Variants in SLC19A1 observed in about 807,000 individuals in gnomAD.
The protein encoded by SLC19A1 is reduced folate transporter.
A neutral mutation model predicts 35.3 loss-of-function variants in SLC19A1; 37 were observed. That is an observed-to-expected ratio of 1.05 (90% CI 0.81 to 1.38). The LOEUF (loss-of-function observed/expected upper bound fraction) is 1.38, where lower values mean the gene tolerates loss of function less well. Among genes scored for constraint, SLC19A1 ranks in the 40% most tolerant of loss-of-function variants. SLC19A1 has a pLI of 0.00. For synonymous variants in SLC19A1, 460 were observed against 398.5 expected (o/e 1.15, Z -1.84); for missense variants, 831 against 826.9 (o/e 1.00, Z -0.06).
chr21:45,523,498 T>G (rs2077499888), intron 5 of SLC19A1, among the ~76,000 whole-genome samples: 1 of 152,146 alleles, frequency 6.6e-6, no homozygotes, highest in Admixed American at 6.5e-5. Flanking sequence ...ACCAGCTCTC[T>G]GGGGAAGAAC....
intron 5 of SLC19A1, among the ~76,000 whole-genome samples, chr21:45,523,496 T>C (rs1217916911): frequency 1.3e-5 from 2 of 152,124 alleles, no homozygotes; most frequent in African/African-American, 4.8e-5. Context: ...TGACCAGCTC[T>C]CTGGGGAAGA....
chr21:45,507,956 C>CT (rs1247728447), downstream of SLC19A1, among the ~76,000 whole-genome samples: 1 of 152,178 alleles, frequency 6.6e-6, no homozygotes, highest in Non-Finnish European at 1.5e-5. Context: ...ATGGATATCT[C>CT]TAAGAGTGGT....
At chr21:45,505,528 G>C in intron 3 of SLC19A1, 1 of 751,076 alleles carries the variant, frequency 1.3e-6, no homozygotes, top group Non-Finnish European at 2.3e-6. Context: ...GGACCCCACA[G>C]GGAGATATAC....
At chr21:45,538,102 T>C in intron 1 of SLC19A1, 94 bp from the exon 2 acceptor site, 1 of 643,712 alleles carries the variant, frequency 1.6e-6, no homozygotes, top group Non-Finnish European at 2.5e-6. Context: ...TCCTCGCCAC[T>C]CAGGACCAAA....
In SLC19A1 at chr21:45,517,405, C is replaced by T. The variant is rs145193100; in HGVS notation, c.1294-1265G>A. Among the ~76,000 whole-genome samples the T allele has an allele frequency of 2.0e-3, 304 of 152,044 alleles. No individual in the cohort carries two copies. Among genetic ancestry groups the T allele is most frequent in the Non-Finnish European group, 3.2e-3 (218 of 67,962 alleles). On this transcript the variant is annotated intron_variant, in intron 5 of 5. Coordinates refer to ENST00000311124, the MANE Select transcript of SLC19A1 (RefSeq NM_194255.4). The surrounding 1 kb of genome is among the most constrained non-coding windows in gnomAD (Gnocchi z 4.4). ...GTAACAAGGACCCCCGAGTCCCCTGCGGGGTGGTGTCAGACAACACCAGTG... is the reference window on the plus strand; with the variant it reads ...GTAACAAGGACCCCCGAGTCCCCTGTGGGGTGGTGTCAGACAACACCAGTG...
intron 3 of SLC19A1, among the ~76,000 whole-genome samples, chr21:45,503,291 T>C (rs1224094635): frequency 2.0e-5 from 3 of 152,286 alleles, no homozygotes; most frequent in South Asian, 2.1e-4. Context: ...TATCTCATTG[T>C]GGTTTTGATT....
intron 5 of SLC19A1, among the ~76,000 whole-genome samples, chr21:45,523,750 G>A (rs903220662): frequency 2.0e-5 from 3 of 152,216 alleles, no homozygotes; most frequent in African/African-American, 7.2e-5. Context: ...CAGCCTGGCT[G>A]GGGCCACACA....
chr21:45,531,490 A>G lies in SLC19A1; in HGVS notation c.848T>C (p.Leu283Pro). ...WWVFNSAGYY[L>P]VVYYVHILWN... is the part of the protein sequence containing the mutation. The stretch of plus-strand genomic sequence containing the variant: ...CAGGATGTGCACGTAGTAGACCACC[A>G]GGTAGTAGCCGGCCGAGTTGAAGAC... Residue 283 changes from leucine to proline, a missense_variant, in exon 3 of 6, where the codon CTG (leucine) becomes CCG (proline). Coordinates refer to ENST00000311124, the MANE Select transcript of SLC19A1 (RefSeq NM_194255.4). 6.2e-7 allele frequency: 1 copy of G among 1,612,766 alleles called. No homozygotes were observed. The highest frequency in any genetic ancestry group is 8.5e-7 in the Non-Finnish European group (1 of 1,179,772).
At position 45,534,475 on chromosome 21, in the gene SLC19A1, C is replaced by G; in HGVS notation, c.190-2327G>C. On this transcript the variant is annotated intron_variant, in intron 2 of 5. Transcript: ENST00000311124. The surrounding 1 kb of genome is among the most constrained non-coding windows in gnomAD (Gnocchi z 4.2). ...AAATGGTAGACAGCCAGCAGAGAGG[C>G]TCTCCCCAGACCCCACGGCTCTCTG... The G allele has an allele frequency of 7.8e-7, 1 of 1,284,350 alleles. No individual in the cohort carries two copies. 79.6% of individuals were successfully genotyped at this position (1,284,350 alleles called of 1,614,324 possible).
chr21:45,528,240 G>A (rs2077719230), intron 4 of SLC19A1, among the ~76,000 whole-genome samples: 1 of 152,084 alleles, frequency 6.6e-6, no homozygotes, highest in African/African-American at 2.4e-5. Context: ...GCTGGGCAGG[G>A]CAGAGCCCAG....
At position 45,515,721 on chromosome 21, in the gene SLC19A1, A is replaced by T. The variant is rs754771475; in HGVS notation, c.1713T>A (p.Pro571=). ...ACTGCAAACCCAGCTTGCTGACACC[A>T]GGAGGATGGACAGCCAGCTGGGGAC... ...ETCPQLAVHP[P]GVSKLGLQCL... is the part of the protein sequence containing the mutation. Residue 571 remains proline, a synonymous_variant, in exon 6 of 6, where the codon CCT becomes CCA. Transcript: ENST00000311124. 2 of 1,613,790 alleles carry T rather than the reference A, an allele frequency of 1.2e-6. No individual in the cohort carries two copies. The highest frequency in any genetic ancestry group is 1.7e-6 in the Non-Finnish European group (2 of 1,179,994).
chr21:45,557,283 C>A (rs1206210064), intron 1 of SLC19A1, among the ~76,000 whole-genome samples: 2 of 152,172 alleles, frequency 1.3e-5, no homozygotes, highest in Non-Finnish European at 1.5e-5. Flanking sequence ...ATGGGTCTTC[C>A]CTATCAGTGG....
chr21:45,560,262 G>A (rs561553779), intron 1 of SLC19A1, among the ~76,000 whole-genome samples: 9 of 152,230 alleles, frequency 5.9e-5, no homozygotes, highest in Non-Finnish European at 1.0e-4. Context: ...ACACAGGGAC[G>A]TGCCCACGGC....
chr21:45,555,721 G>A (rs550746398), intron 1 of SLC19A1, among the ~76,000 whole-genome samples: 1 of 152,082 alleles, frequency 6.6e-6, no homozygotes, highest in South Asian at 2.1e-4. Context: ...CGAGCAGGGT[G>A]GGCTCCACGC....
At chr21:45,538,088 G>GACC in intron 1 of SLC19A1, 80 bp from the exon 2 acceptor site, 1 of 768,090 alleles carries the variant, frequency 1.3e-6, no homozygotes, top group Non-Finnish European at 1.9e-6. Context: ...GCCCAGTGCC[G>GACC]GCCTCCTCGC....
chr21:45,512,301 T>C (rs2146151966), downstream of SLC19A1: 7 of 1,612,270 alleles, frequency 4.3e-6, no homozygotes, highest in African/African-American at 4.0e-5. Flanking sequence ...GCCTCCTCGC[T>C]GCTGGGGGGC....
In SLC19A1 at chr21:45,556,985, C is replaced by T. The variant is rs566719016; in HGVS notation, c.-50+5757G>A. On this transcript the variant is annotated intron_variant, in intron 1 of 5. Coordinates refer to the SLC19A1 transcript ENST00000650808. ...CAGATGCATGTGTCTCCTGGGACGG[C>T]GCCTCAGAGGCCTGGCTACTCCGAG... Among the ~76,000 whole-genome samples, 53 of 152,286 alleles carry T rather than the reference C, an allele frequency of 3.5e-4. 1 individual carries two copies. The highest frequency in any genetic ancestry group is 1.1e-3 in the African/African-American group (46 of 41,552).
chr21:45,531,468 G>A lies in SLC19A1; in HGVS notation c.870C>T (p.Ile290=). The A allele has an allele frequency of 6.2e-7, 1 of 1,612,680 alleles. No homozygotes were observed. Among genetic ancestry groups the A allele is most frequent in the East Asian group, 2.2e-5 (1 of 44,878 alleles). The part of the protein sequence containing the change: ...GYYLVVYYVH[I]LWNEVDPTTN... ...TGGTGGGGTCCACCTCGTTCCACAG[G>A]ATGTGCACGTAGTAGACCACCAGGT... Residue 290 remains isoleucine, a synonymous_variant, in exon 3 of 6, where the codon ATC becomes ATT. Transcript: ENST00000311124.
In SLC19A1 at chr21:45,515,540, G is replaced by A; in HGVS notation, c.*118C>T. The stretch of plus-strand genomic sequence containing the variant: ...CGGCACAGGGCAGGGGGAATCCTAG[G>A]GGGCCTGCTAGCAGGATAAGCGGAG... On this transcript the variant is annotated 3_prime_UTR_variant, in exon 6 of 6. Coordinates refer to ENST00000311124, the MANE Select transcript of SLC19A1 (RefSeq NM_194255.4). The A allele has an allele frequency of 6.5e-7, 1 of 1,540,742 alleles. No individual in the cohort carries two copies. Among genetic ancestry groups the A allele is most frequent in the East Asian group, 2.2e-5 (1 of 44,624 alleles).
Sources: allele counts gnomAD v4.1 joint callset (sites outside exome capture counted in the v4.1 genomes callset), GRCh38; gene constraint gnomAD v4.1.1; non-coding constraint Gnocchi (gnomAD v3.1); transcripts MANE v1.5; gene names NCBI Gene and HGNC (gene_info 2026-07-23, HGNC 2026-07-21).